The following FOXP2 variants were observed in gnomAD, a reference collection of about 807,000 sequenced individuals.
FOXP2 encodes forkhead box protein P2.
In FOXP2, 12 loss-of-function variants were observed where a neutral mutation model predicts 115.8. That is an observed-to-expected ratio of 0.10 (90% confidence interval 0.07 to 0.17). The LOEUF is 0.17. FOXP2 is among the 10% of genes least tolerant of loss of function. The probability of loss-of-function intolerance (pLI) is 1.00; values close to 1 mark genes in which losing one functional copy is unlikely to be tolerated. For missense variants in FOXP2, 629 were observed against 843.5 expected (o/e 0.75, Z 3.15); for synonymous variants, 328 against 297.7 (o/e 1.10, Z -1.05).
intron 1 of FOXP2, among the ~76,000 whole-genome samples, chr7:114,183,271 T>G (rs1331063028): frequency 6.6e-6 from 1 of 152,234 alleles, no homozygotes. Flanking sequence ...TCTCTTTTGC[T>G]GCCTCTTGTT....
intron 3 of FOXP2, among the ~76,000 whole-genome samples, chr7:114,604,875 C>T (rs1803228407): frequency 6.6e-6 from 1 of 152,094 alleles, no homozygotes; most frequent in Non-Finnish European, 1.5e-5. Context: ...TGACCCAGAC[C>T]TTGGATTTGG....
intron 2 of FOXP2, among the ~76,000 whole-genome samples, chr7:114,517,062 A>G (rs1025743795): frequency 6.6e-6 from 1 of 151,654 alleles, no homozygotes; most frequent in Non-Finnish European, 1.5e-5. Flanking sequence ...GTGAGATGAT[A>G]CCTCATTGTG....
chr7:114,171,044 T>A (rs1793123192), intron 1 of FOXP2, among the ~76,000 whole-genome samples: 1 of 152,180 alleles, frequency 6.6e-6, no homozygotes, highest in Non-Finnish European at 1.5e-5. Context: ...ACTCTTTTGT[T>A]AGAGGCTAAT....
At chr7:114,217,694 T>C (rs1394619574) in intron 1 of FOXP2, among the ~76,000 whole-genome samples, 1 of 152,202 alleles carries the variant, frequency 6.6e-6, no homozygotes, top group African/African-American at 2.4e-5. Context: ...TGAAGTCTAA[T>C]GGGTACCACA....
At chr7:114,198,683 C>G (rs1003520861) in intron 1 of FOXP2, among the ~76,000 whole-genome samples, 7 of 152,268 alleles carry the variant, frequency 4.6e-5, no homozygotes, top group Admixed American at 2.0e-4. Flanking sequence ...GAACCAGTAC[C>G]GGTCTGTGGC....
chr7:114,320,116 C>T (rs1797381197), intron 2 of FOXP2, among the ~76,000 whole-genome samples: 1 of 152,132 alleles, frequency 6.6e-6, no homozygotes, highest in Non-Finnish European at 1.5e-5. Flanking sequence ...TTTTTAAAGC[C>T]ACCATTTCCC....
At chr7:114,614,669 C>T (rs897057526) in intron 3 of FOXP2, among the ~76,000 whole-genome samples, 10 of 151,816 alleles carry the variant, frequency 6.6e-5, no homozygotes, top group African/African-American at 1.2e-4. Flanking sequence ...TGCTAACATA[C>T]GGAGCAAAGT....
At chr7:114,643,105 C>A (rs1805673291) in intron 7 of FOXP2, among the ~76,000 whole-genome samples, 1 of 151,806 alleles carries the variant, frequency 6.6e-6, no homozygotes, top group Admixed American at 6.6e-5. Flanking sequence ...GCCACCGTGC[C>A]CGGCCTATAT....
At chr7:114,617,348 G>T (rs578066851) in intron 3 of FOXP2, among the ~76,000 whole-genome samples, 1 of 152,186 alleles carries the variant, frequency 6.6e-6, no homozygotes, top group South Asian at 2.1e-4. Context: ...TCTCTCAAAT[G>T]CTCCCTTCCT....
chr7:114,270,815 TTAATGAAGTCCACTTTATCAGTTA>T (rs1230442825), intron 1 of FOXP2, among the ~76,000 whole-genome samples: 1 of 152,140 alleles, frequency 6.6e-6, no homozygotes, highest in Non-Finnish European at 1.5e-5. Context: ...GTTTTCAGTT[TTAATGAAGTCCACTTTATCAGTTA>T]TTTATTTCAT....
intron 3 of FOXP2, among the ~76,000 whole-genome samples, chr7:114,543,733 T>C (rs548873868): frequency 1.3e-5 from 2 of 152,338 alleles, no homozygotes; most frequent in South Asian, 4.1e-4. Flanking sequence ...ACAGGTGCAA[T>C]GTCTAGAGAC....
chr7:114,331,753 T>C (rs1269176289), intron 2 of FOXP2, among the ~76,000 whole-genome samples: 2 of 151,894 alleles, frequency 1.3e-5, no homozygotes, highest in Admixed American at 6.6e-5. Context: ...CTGCAGCTTC[T>C]GCCTCCCGGG....
chr7:114,454,194 A>T (rs1281954468), intron 2 of FOXP2, among the ~76,000 whole-genome samples: 1 of 151,916 alleles, frequency 6.6e-6, no homozygotes, highest in Non-Finnish European at 1.5e-5. Context: ...CAACCCCATC[A>T]AAAAGTGGGT....
chr7:114,197,334 A>G (rs7778560), intron 1 of FOXP2, among the ~76,000 whole-genome samples: 27,785 of 152,196 alleles, frequency 0.18, 2,756 homozygotes, highest in Non-Finnish European at 0.2. Flanking sequence ...TCACAGTTCT[A>G]CGGGCTGGAA....
At chr7:114,672,080 A>G (rs968810154) in intron 16 of FOXP2, among the ~76,000 whole-genome samples, 1 of 152,204 alleles carries the variant, frequency 6.6e-6, no homozygotes, top group African/African-American at 2.4e-5. Context: ...GAAAACTAAC[A>G]TTGTTTAGTT....
intron 3 of FOXP2, among the ~76,000 whole-genome samples, chr7:114,573,584 T>G (rs1489237868): frequency 6.6e-6 from 1 of 151,822 alleles, no homozygotes; most frequent in Non-Finnish European, 1.5e-5. Flanking sequence ...TAAGAGACCC[T>G]ACATAATGCC....
rs117397431 is a variant in FOXP2 at position 114,114,572 on chromosome 7, T to C, written c.-247+26734T>C. On this transcript the variant is annotated intron_variant, in intron 1 of 19. Transcript: ENST00000635638. ...AACAAGTGCAGATTTCTGTTTGTTT[T>C]TTTTCTCCATTGTGCCATAGATGAA... Among the ~76,000 whole-genome samples the C allele has an allele frequency of 7.5e-4, 114 of 152,258 alleles. 1 individual carries two copies. The East Asian group carries it at 0.02, about 27-fold the overall frequency.
At chr7:114,498,978 C>A in intron 2 of FOXP2, 1 of 716,778 alleles carries the variant, frequency 1.4e-6, no homozygotes. Context: ...AGTGTGAGTC[C>A]TGGACCAGCA....
intron 1 of FOXP2, among the ~76,000 whole-genome samples, chr7:114,133,588 G>A (rs1163780752): frequency 1.3e-5 from 2 of 152,116 alleles, no homozygotes; most frequent in Admixed American, 6.5e-5. Flanking sequence ...TTGTCCCCAC[G>A]AAAACTCATA....
Sources: allele counts gnomAD v4.1 joint callset (sites outside exome capture counted in the v4.1 genomes callset), GRCh38; gene constraint gnomAD v4.1.1; transcripts MANE v1.5; gene names NCBI Gene and HGNC (gene_info 2026-07-23, HGNC 2026-07-21).